Variants in DCAF17 observed in about 807,000 individuals in gnomAD.
The protein encoded by DCAF17 is DDB1 and CUL4 associated factor 17.
A neutral mutation model predicts 66.0 loss-of-function variants in DCAF17; 48 were observed. The observed-to-expected ratio is 0.73, with a 90% CI of 0.58 to 0.92. The LOEUF (loss-of-function observed/expected upper bound fraction) is 0.92, where lower values mean the gene tolerates loss of function less well. DCAF17 is among the 40% of genes least tolerant of loss of function. The pLI is 0.00. For missense variants in DCAF17, 562 were observed against 622.8 expected (o/e 0.90, Z 1.04); for synonymous variants, 206 against 214.6 (o/e 0.96, Z 0.35).
In DCAF17 at chr2:171,478,879, CTG is replaced by C. The variant is rs202231834; in HGVS notation, c.1266+811_1266+812del. ...AAAGCAACATACTCTGCATATAAAACTGTATTCCAGAAAGATGTACTAAAATT... is the reference window on the plus strand; with the variant it reads ...AAAGCAACATACTCTGCATATAAAACTATTCCAGAAAGATGTACTAAAATT... On this transcript the variant is annotated intron_variant, in intron 12 of 13. Coordinates refer to ENST00000375255, the MANE Select transcript of DCAF17 (RefSeq NM_025000.4). Among the ~76,000 whole-genome samples, 70 of 152,250 alleles carry C rather than the reference CTG, an allele frequency of 4.6e-4. No individual in the cohort carries two copies. In the East Asian group the frequency reaches 0.013, roughly 28 times the overall value.
At chr2:171,453,407 G>A (rs1248186993) in intron 6 of DCAF17, among the ~76,000 whole-genome samples, 194 bp downstream of exon 6, 1 of 151,902 alleles carries the variant, frequency 6.6e-6, no homozygotes, top group African/African-American at 2.4e-5. Context: ...ATGTTTTTAT[G>A]CCTCTCAGGT....
At position 171,482,827 on chromosome 2, in the gene DCAF17, C is replaced by G. The variant is rs1046599017; in HGVS notation, c.*1713C>G. 1 of 454,064 alleles carries G rather than the reference C, an allele frequency of 2.2e-6. No homozygotes were observed. The highest frequency in any genetic ancestry group is 4.4e-6 in the Non-Finnish European group (1 of 226,782). The allele number at this position is 454,064 out of a possible 1,614,324, so 28.1% of individuals were successfully genotyped here. A position where few individuals can be genotyped will look rare whatever the true frequency, so the allele number is the denominator to read the frequency against. On this transcript the variant is annotated 3_prime_UTR_variant, in exon 14 of 14. Coordinates refer to ENST00000375255, the MANE Select transcript of DCAF17 (RefSeq NM_025000.4). The stretch of plus-strand genomic sequence containing the variant: ...GCTGGGGGTAGATGGTGGAATACTT[C>G]TGGTCTAGATATAACTTACCACTAA...
intron 9 of DCAF17, among the ~76,000 whole-genome samples, chr2:171,470,909 A>G (rs1696210134): frequency 6.6e-6 from 1 of 152,178 alleles, no homozygotes. Flanking sequence ...AAAGGATGGT[A>G]TAAGGGATGA....
intron 6 of DCAF17, among the ~76,000 whole-genome samples, chr2:171,453,503 A>T (rs939419189): frequency 6.6e-6 from 1 of 152,170 alleles, no homozygotes; most frequent in Non-Finnish European, 1.5e-5. Flanking sequence ...TCCAGAAGGA[A>T]CATTCCAAAG....
rs748910614 is a variant in DCAF17, at chr2:171,482,441, T to C, written c.*1327T>C. 2.2e-6 allele frequency: 1 copy of C among 454,052 alleles called. No homozygotes were observed. Among genetic ancestry groups the C allele is most frequent in the South Asian group, 1.6e-5 (1 of 64,480 alleles). 28.1% of individuals were successfully genotyped at this position (454,052 alleles called of 1,614,324 possible). A position where few individuals can be genotyped will look rare whatever the true frequency, so the allele number is the denominator to read the frequency against. ...CCAGTTCTGCCCTGGTGCTAGACAT[T>C]GCCCCATACTTTCAATTAGACACTA... is the stretch of plus-strand genomic sequence containing the variant. On this transcript the variant is annotated 3_prime_UTR_variant, in exon 14 of 14. Transcript: ENST00000375255.
At chr2:171,461,059 T>C (rs1695557295) in intron 8 of DCAF17, among the ~76,000 whole-genome samples, 1 of 152,228 alleles carries the variant, frequency 6.6e-6, no homozygotes, top group Non-Finnish European at 1.5e-5. Flanking sequence ...AAATTTGTTT[T>C]TCAATCTTAA....
intron 9 of DCAF17, 92 bp from the exon 10 acceptor site, chr2:171,473,774 C>T (rs1696370820): frequency 1.0e-6 from 1 of 1,000,054 alleles, no homozygotes; most frequent in Non-Finnish European, 1.6e-6. Flanking sequence ...TTCCGTGTAC[C>T]TTTGACCTAC....
At chr2:171,456,101 G>C (rs973393368) in intron 6 of DCAF17, among the ~76,000 whole-genome samples, 2 of 152,140 alleles carry the variant, frequency 1.3e-5, no homozygotes, top group African/African-American at 4.8e-5. Flanking sequence ...CCTATGTCCA[G>C]AATGATATTG....
intron 10 of DCAF17, among the ~76,000 whole-genome samples, chr2:171,475,712 A>G (rs1696466331): frequency 6.6e-6 from 1 of 152,202 alleles, no homozygotes; most frequent in Non-Finnish European, 1.5e-5. Context: ...GCAGTGAGCT[A>G]TGATTGTAGC....
rs761229686 is a variant in DCAF17, at chr2:171,468,955, G to A, written c.906G>A (p.Trp302Ter). 1.2e-6 allele frequency: 2 copies of A among 1,614,068 alleles called. No homozygotes were observed. Among genetic ancestry groups the A allele is most frequent in the Non-Finnish European group, 1.7e-6 (2 of 1,179,994 alleles). Residue 302 changes from tryptophan to a stop codon, truncating the protein, a stop_gained, in exon 9 of 14, where the codon TGG becomes TGA. Coordinates refer to ENST00000375255, the MANE Select transcript of DCAF17 (RefSeq NM_025000.4). LOFTEE classifies it high-confidence loss of function. The stretch of plus-strand genomic sequence containing the variant: ...CTTTTCAGATTGGAGGCCATCCTTG[G>A]CACTACATCGTCACACCTAATAAGA... ...ENAFQIGGHP[W>*]HYIVTPNKKK... is the part of the protein sequence containing the mutation.
At position 171,483,094 on chromosome 2, in the gene DCAF17, C is replaced by G. The variant is rs755189449; in HGVS notation, c.*1980C>G. 3.3e-5 allele frequency: 15 copies of G among 453,860 alleles called. No homozygotes were observed. Among genetic ancestry groups the G allele is most frequent in the South Asian group, 1.6e-4 (10 of 64,474 alleles). 28.1% of individuals were successfully genotyped at this position (453,860 alleles called of 1,614,324 possible). A position where few individuals can be genotyped will look rare whatever the true frequency, so the allele number is the denominator to read the frequency against. ...AACAAGATAGATGGTAAAAAGATGC[C>G]AGAAGATACAGAAGATAGCAAAGAA... is the stretch of plus-strand genomic sequence containing the variant. On this transcript the variant is annotated 3_prime_UTR_variant, in exon 14 of 14. Transcript: ENST00000375255.
Position 171,482,585 on chromosome 2 carries a change from T to C in DCAF17, c.*1471T>C, listed in dbSNP as rs1428983288. On this transcript the variant is annotated 3_prime_UTR_variant, in exon 14 of 14. Coordinates refer to ENST00000375255, the MANE Select transcript of DCAF17 (RefSeq NM_025000.4). ...TGTGTGAGTTTCAAAGCAGCTGCAA[T>C]GCTGTGTAAAAGTAGAGTGTTCATT... is the stretch of plus-strand genomic sequence containing the variant. 2.2e-6 allele frequency: 1 copy of C among 453,954 alleles called. No individual in the cohort carries two copies. The highest frequency in any genetic ancestry group is 2.0e-5 in the African/African-American group (1 of 50,008). 28.1% of individuals were successfully genotyped at this position (453,954 alleles called of 1,614,324 possible).
At chr2:171,479,493 G>GT (rs1349133237) in intron 12 of DCAF17, among the ~76,000 whole-genome samples, 3 of 152,102 alleles carry the variant, frequency 2.0e-5, no homozygotes, top group African/African-American at 7.2e-5. Context: ...TCTCCCTCAA[G>GT]TATAAGCAGC....
At chr2:171,477,567 A>G (rs1042327692) in intron 11 of DCAF17, among the ~76,000 whole-genome samples, 6 of 152,178 alleles carry the variant, frequency 3.9e-5, no homozygotes, top group African/African-American at 1.4e-4. Flanking sequence ...GCCAAGGCAG[A>G]CAGATTGCTT....
At chr2:171,441,679 T>G (rs935293301) in intron 2 of DCAF17, among the ~76,000 whole-genome samples, 4 of 152,236 alleles carry the variant, frequency 2.6e-5, no homozygotes, top group Admixed American at 1.3e-4. Flanking sequence ...GAGTGGAGTT[T>G]CCATCTTGCT....
chr2:171,482,518 C>G lies in DCAF17; in HGVS notation c.*1404C>G, dbSNP rs1217946264. ...AAACTTACATCTTGAAAAACAAGAC[C>G]AGTAAGAGGCCAGTGAAAGTACTAA... On this transcript the variant is annotated 3_prime_UTR_variant, in exon 14 of 14. Coordinates refer to ENST00000375255, the MANE Select transcript of DCAF17 (RefSeq NM_025000.4). 4.4e-6 allele frequency: 2 copies of G among 453,828 alleles called. No individual in the cohort carries two copies. The highest frequency in any genetic ancestry group is 8.8e-6 in the Non-Finnish European group (2 of 226,768). 28.1% of individuals were successfully genotyped at this position (453,828 alleles called of 1,614,324 possible).
chr2:171,451,578 T>C (rs569798338), intron 5 of DCAF17, among the ~76,000 whole-genome samples: 3 of 152,274 alleles, frequency 2.0e-5, no homozygotes, highest in African/African-American at 7.2e-5. Context: ...AATTTTTGTT[T>C]TGTTTTGTTT....
chr2:171,470,857 T>G (rs1696206176), intron 9 of DCAF17, among the ~76,000 whole-genome samples: 1 of 152,190 alleles, frequency 6.6e-6, no homozygotes, highest in Non-Finnish European at 1.5e-5. Context: ...GTTCCACATC[T>G]GTGGATTCAA....
intron 6 of DCAF17, among the ~76,000 whole-genome samples, chr2:171,454,248 A>T (rs1011985890): frequency 2.6e-5 from 4 of 151,628 alleles, no homozygotes; most frequent in Non-Finnish European, 4.4e-5. Context: ...ATTAAAACAG[A>T]TTGGCTACTT....
Sources: allele counts gnomAD v4.1 joint callset (sites outside exome capture counted in the v4.1 genomes callset), GRCh38; gene constraint gnomAD v4.1.1; transcripts MANE v1.5; gene names NCBI Gene and HGNC (gene_info 2026-07-23, HGNC 2026-07-21).